The following MAP7 variants were observed in gnomAD, a reference collection of about 807,000 sequenced individuals.
MAP7 encodes microtubule associated protein 7, also known as ensconsin.
MAP7 carries 52 observed loss-of-function variants against 94.8 expected under a neutral mutation model. The ratio of observed to expected loss-of-function variants is 0.55; its 90% CI spans 0.44 to 0.69. The LOEUF (loss-of-function observed/expected upper bound fraction) is 0.69. Among genes scored for constraint, MAP7 ranks in the 30% least tolerant of loss-of-function variants. The probability of loss-of-function intolerance (pLI) is 0.00; values close to 1 mark genes in which losing one functional copy is unlikely to be tolerated. For missense variants in MAP7, 940 were observed against 964.6 expected, an observed-to-expected ratio of 0.97 and a Z score of 0.34; for synonymous variants, 350 against 357.0, an observed-to-expected ratio of 0.98 and a Z score of 0.22.
At chr6:136,533,982 C>T (rs905781402) in intron 1 of MAP7, among the ~76,000 whole-genome samples, 2 of 152,164 alleles carry the variant, frequency 1.3e-5, no homozygotes, top group Non-Finnish European at 2.9e-5. Context: ...AAAAGACATC[C>T]ATTTTTTTAC....
chr6:136,454,081 T>C (rs1363415025), intron 1 of MAP7, among the ~76,000 whole-genome samples: 2 of 152,138 alleles, frequency 1.3e-5, no homozygotes, highest in African/African-American at 4.8e-5. Context: ...CCGAGGAACA[T>C]AGAGCTCAGA....
At chr6:136,509,303 C>T (rs2129027156) in intron 1 of MAP7, among the ~76,000 whole-genome samples, 1 of 152,302 alleles carries the variant, frequency 6.6e-6, no homozygotes, top group Admixed American at 6.5e-5. Flanking sequence ...AACAGAAGTT[C>T]CTCATTCTTC....
At chr6:136,389,692 C>G (rs1780161897) in intron 3 of MAP7, among the ~76,000 whole-genome samples, 175 bp from the exon 4 acceptor site, 1 of 152,072 alleles carries the variant, frequency 6.6e-6, no homozygotes, top group African/African-American at 2.4e-5. Context: ...AAATGTATTA[C>G]TGTTAATTTT....
chr6:136,431,541 G>A (rs879424877), intron 1 of MAP7, among the ~76,000 whole-genome samples: 2 of 116,900 alleles, frequency 1.7e-5, no homozygotes, highest in Admixed American at 8.9e-5. Context: ...TTTTTGAGAC[G>A]GAGTCTTGCT....
chr6:136,353,398 G>A (rs1295552213), intron 16 of MAP7, among the ~76,000 whole-genome samples: 1 of 152,122 alleles, frequency 6.6e-6, no homozygotes, highest in Non-Finnish European at 1.5e-5. Context: ...AAGAGGTTAG[G>A]GGTTTTAAAG....
At chr6:136,413,702 C>A (rs540016834) in intron 2 of MAP7, among the ~76,000 whole-genome samples, 149 of 152,102 alleles carry the variant, frequency 9.8e-4, no homozygotes, top group South Asian at 1.9e-3. Flanking sequence ...GCCTTGACCT[C>A]CTGGGTTCAA....
At chr6:136,372,404 C>G in intron 8 of MAP7, 97 bp downstream of exon 8, 1 of 1,406,808 alleles carries the variant, frequency 7.1e-7, no homozygotes, top group South Asian at 1.4e-5. Flanking sequence ...ACGGTCTCCC[C>G]CTCTTACGCC....
intron 6 of MAP7, among the ~76,000 whole-genome samples, chr6:136,381,264 G>T (rs1410033903): frequency 1.3e-5 from 2 of 151,886 alleles, no homozygotes; most frequent in East Asian, 3.9e-4. Flanking sequence ...CCACAGTCTT[G>T]ACCTCCCAAG....
At chr6:136,466,784 C>T (rs1000043877) in intron 1 of MAP7, 6 of 1,535,174 alleles carry the variant, frequency 3.9e-6, no homozygotes, top group Non-Finnish European at 5.2e-6. Context: ...GTCTTCCATG[C>T]TAAAATCCTT....
chr6:136,364,292 C>T (rs1330193650), intron 10 of MAP7: 1 of 517,696 alleles, frequency 1.9e-6, no homozygotes, highest in Non-Finnish European at 3.9e-6. Context: ...AAGCCTTGGC[C>T]AATGTTGACA....
intron 10 of MAP7, 132 bp from the exon 11 acceptor site, chr6:136,362,834 G>A: frequency 1.5e-6 from 2 of 1,374,502 alleles, no homozygotes; most frequent in Non-Finnish European, 1.9e-6. Flanking sequence ...ATTACTGTGT[G>A]TTCTCACGGT....
At chr6:136,482,540 G>A (rs1195730172) in intron 1 of MAP7, among the ~76,000 whole-genome samples, 1 of 151,836 alleles carries the variant, frequency 6.6e-6, no homozygotes, top group African/African-American at 2.4e-5. Flanking sequence ...GGCAGGGGTT[G>A]CAGTGAGCCA....
Position 136,480,641 on chromosome 6 carries a change from CAAAAAA to C in MAP7, c.68-58848_68-58843del, listed in dbSNP as rs769951186. Among the ~76,000 whole-genome samples, 45 of 20,150 alleles carry C rather than the reference CAAAAAA, an allele frequency of 2.2e-3. 1 individual carries two copies. The highest frequency in any genetic ancestry group is 3.6e-3 in the Admixed American group (6 of 1,652). The allele number at this position is 20,150 out of a possible 152,430, so 13.2% of individuals were successfully genotyped here. ...TGGGTGACAGAGTGAGACTCTGCCTCAAAAAAAAAAAAAAAAAAAAAAAAAAAAGAA... is the reference window on the plus strand; with the variant it reads ...TGGGTGACAGAGTGAGACTCTGCCTCAAAAAAAAAAAAAAAAAAAAAAGAA... On this transcript the variant is annotated intron_variant, in intron 1 of 17. Transcript: ENST00000354570.
intron 16 of MAP7, among the ~76,000 whole-genome samples, chr6:136,349,120 C>T (rs1322398066): frequency 1.3e-5 from 2 of 152,136 alleles, no homozygotes; most frequent in Non-Finnish European, 2.9e-5. Context: ...TCCTTTGTTT[C>T]CTGTTCCAAA....
intron 3 of MAP7, among the ~76,000 whole-genome samples, chr6:136,405,445 A>C (rs1785303749): frequency 6.6e-6 from 1 of 152,208 alleles, no homozygotes; most frequent in Admixed American, 6.5e-5. Context: ...AACTATGTGG[A>C]TTTCTCAGGA....
chr6:136,524,243 C>CA (rs991652768), intron 1 of MAP7, among the ~76,000 whole-genome samples: 4 of 150,862 alleles, frequency 2.7e-5, no homozygotes, highest in East Asian at 3.9e-4. Flanking sequence ...GACTCCATCT[C>CA]AAAAAAAAGA....
chr6:136,521,817 C>T (rs1325547460), intron 1 of MAP7, among the ~76,000 whole-genome samples: 2 of 152,182 alleles, frequency 1.3e-5, no homozygotes, highest in Non-Finnish European at 2.9e-5. Flanking sequence ...ATCCCTTAAA[C>T]GCCCTGTTTC....
At chr6:136,480,272 G>A (rs1385070649) in intron 1 of MAP7, among the ~76,000 whole-genome samples, 1 of 152,104 alleles carries the variant, frequency 6.6e-6, no homozygotes, top group Non-Finnish European at 1.5e-5. Context: ...AAATGGTGCT[G>A]GGAAAATTGG....
intron 1 of MAP7, among the ~76,000 whole-genome samples, chr6:136,473,199 T>C (rs909789178): frequency 6.6e-6 from 1 of 152,208 alleles, no homozygotes; most frequent in Admixed American, 6.5e-5. Context: ...GAAGTGCTCG[T>C]CTTCTCTCTA....
Sources: gnomAD v4.1 joint callset for allele counts (sites outside exome capture counted in the v4.1 genomes callset) on GRCh38, gnomAD v4.1.1 for gene constraint, MANE v1.5 for transcripts, NCBI Gene and HGNC (gene_info 2026-07-23, HGNC 2026-07-21) for gene names.